CREB5: variants seen among roughly 807,000 people sequenced by gnomAD.
CREB5 encodes the protein cAMP responsive element binding protein 5, also known as cyclic AMP-responsive element-binding protein 5.
CREB5 carries 19 observed loss-of-function variants against 57.1 expected under a neutral mutation model. The observed-to-expected ratio is 0.33, with a 90% CI of 0.23 to 0.49. The LOEUF (loss-of-function observed/expected upper bound fraction) is 0.49, where lower values mean the gene tolerates loss of function less well. Ranked by LOEUF, CREB5 falls within the 20% of genes least tolerant of loss-of-function variation. The pLI, the probability that CREB5 is intolerant of heterozygous loss-of-function variation, is 0.99. For missense variants in CREB5, 579 were observed against 671.6 expected (o/e 0.86, Z 1.52); for synonymous variants, 238 against 238.3 (o/e 1.00, Z 0.01).
chr7:28,318,836 TGCTTAG>T (rs1173792446), intron 1 of CREB5, among the ~76,000 whole-genome samples: 1 of 152,220 alleles, frequency 6.6e-6, no homozygotes, highest in Non-Finnish European at 1.5e-5. Context: ...AAAATCAAAT[TGCTTAG>T]GCTTCTGTAG....
At chr7:28,612,934 T>C (rs1797451274) in intron 5 of CREB5, among the ~76,000 whole-genome samples, 1 of 152,218 alleles carries the variant, frequency 6.6e-6, no homozygotes, top group Admixed American at 6.5e-5. Context: ...AAAGATGTAT[T>C]GAAAATTTTG....
At chr7:28,462,886 A>G (rs1045090960) in intron 1 of CREB5, among the ~76,000 whole-genome samples, 1 of 152,134 alleles carries the variant, frequency 6.6e-6, no homozygotes, top group Admixed American at 6.5e-5. Flanking sequence ...CACTTTCTTC[A>G]TGGTGTCCTT....
At chr7:28,466,675 C>T (rs1790585954) in intron 1 of CREB5, among the ~76,000 whole-genome samples, 1 of 152,078 alleles carries the variant, frequency 6.6e-6, no homozygotes, top group South Asian at 2.1e-4. Context: ...TGACTTTTCT[C>T]GGTTCAAGTG....
intron 1 of CREB5, among the ~76,000 whole-genome samples, chr7:28,421,872 A>G (rs1788275530): frequency 6.8e-6 from 1 of 147,302 alleles, no homozygotes; most frequent in South Asian, 2.1e-4. Flanking sequence ...TATACCATAT[A>G]TATGGTATAT....
chr7:28,717,837 G>A (rs1188550177), intron 5 of CREB5, among the ~76,000 whole-genome samples: 1 of 152,148 alleles, frequency 6.6e-6, no homozygotes, highest in African/African-American at 2.4e-5. Context: ...TAAATGATTT[G>A]ACATTTATAC....
intron 5 of CREB5, among the ~76,000 whole-genome samples, chr7:28,605,694 T>C (rs1797105447): frequency 6.6e-6 from 1 of 152,200 alleles, no homozygotes. Context: ...GTTGATTTCC[T>C]GCCCATGAGA....
chr7:28,631,878 G>A (rs1798219700), intron 5 of CREB5, among the ~76,000 whole-genome samples: 1 of 152,156 alleles, frequency 6.6e-6, no homozygotes, highest in South Asian at 2.1e-4. Context: ...AAGAGAATGT[G>A]TTTGAAAGAT....
intron 4 of CREB5, among the ~76,000 whole-genome samples, chr7:28,565,984 T>A (rs1795456979): frequency 1.3e-5 from 2 of 152,176 alleles, no homozygotes; most frequent in South Asian, 4.2e-4. Context: ...ATCTTGCAAA[T>A]ATTTTAAAGC....
intron 1 of CREB5, among the ~76,000 whole-genome samples, chr7:28,364,098 A>G (rs1405932642): frequency 6.6e-6 from 1 of 152,208 alleles, no homozygotes. Flanking sequence ...TTTCATCTCA[A>G]GTCTTACCTG....
At chr7:28,459,737 C>T (rs1245557494) in intron 1 of CREB5, among the ~76,000 whole-genome samples, 1 of 152,304 alleles carries the variant, frequency 6.6e-6, no homozygotes, top group East Asian at 1.9e-4. Flanking sequence ...TGGGTTTATG[C>T]TGGCCTCGTC....
intron 5 of CREB5, among the ~76,000 whole-genome samples, chr7:28,633,202 A>T (rs928572294): frequency 6.6e-6 from 1 of 152,210 alleles, no homozygotes; most frequent in Non-Finnish European, 1.5e-5. Flanking sequence ...TAGAATGACA[A>T]TTCAAACAGA....
At chr7:28,381,090 C>T (rs1392693537) in intron 1 of CREB5, among the ~76,000 whole-genome samples, 1 of 152,150 alleles carries the variant, frequency 6.6e-6, no homozygotes, top group Admixed American at 6.5e-5. Flanking sequence ...TCCTCCCTTT[C>T]AAGCTAGGAT....
At chr7:28,540,694 C>A (rs1794169258) in intron 4 of CREB5, among the ~76,000 whole-genome samples, 1 of 152,070 alleles carries the variant, frequency 6.6e-6, no homozygotes, top group Non-Finnish European at 1.5e-5. Context: ...TGTTTTCCTC[C>A]CTGGTCTTAG....
chr7:28,673,410 A>G (rs994862309), intron 5 of CREB5, among the ~76,000 whole-genome samples: 2 of 152,180 alleles, frequency 1.3e-5, no homozygotes, highest in Admixed American at 6.5e-5. Flanking sequence ...CACATTCCCA[A>G]ACTGCCCTGG....
At chr7:28,444,440 C>G (rs1435502278) in intron 1 of CREB5, among the ~76,000 whole-genome samples, 1 of 152,108 alleles carries the variant, frequency 6.6e-6, no homozygotes, top group South Asian at 2.1e-4. Context: ...TAAAGATGGA[C>G]ATGGAGTGAT....
chr7:28,589,567 A>G (rs1287134381), intron 5 of CREB5, among the ~76,000 whole-genome samples: 2 of 152,152 alleles, frequency 1.3e-5, no homozygotes. Flanking sequence ...AACAAAAACA[A>G]AAAGAAAAAG....
intron 1 of CREB5, among the ~76,000 whole-genome samples, chr7:28,353,362 G>C (rs1337544388): frequency 1.3e-5 from 2 of 152,174 alleles, no homozygotes; most frequent in Non-Finnish European, 2.9e-5. Context: ...TGAAAGAAAA[G>C]TACAGGGTTC....
At chr7:28,518,642 C>T (rs1038586853) in intron 4 of CREB5, among the ~76,000 whole-genome samples, 4 of 152,188 alleles carry the variant, frequency 2.6e-5, no homozygotes, top group African/African-American at 9.7e-5. Flanking sequence ...TGTAACCCCA[C>T]TTGGTTGGTC....
chr7:28,318,420 G>C (rs570733464), intron 1 of CREB5, among the ~76,000 whole-genome samples: 2 of 152,326 alleles, frequency 1.3e-5, no homozygotes, highest in African/African-American at 2.4e-5. Context: ...ACTTGTAAAA[G>C]TATACAAAAT....
Sources: gnomAD v4.1 joint callset for allele counts (sites outside exome capture counted in the v4.1 genomes callset) on GRCh38, gnomAD v4.1.1 for gene constraint, MANE v1.5 for transcripts, NCBI Gene and HGNC (gene_info 2026-07-23, HGNC 2026-07-21) for gene names.